Variants in MIS18A observed in about 807,000 individuals in gnomAD.
MIS18A encodes MIS18 kinetochore protein A, also known as protein Mis18-alpha.
MIS18A carries 14 observed loss-of-function variants against 25.0 expected under a neutral mutation model. The ratio of observed to expected loss-of-function variants is 0.56; its 90% CI spans 0.37 to 0.88. MIS18A has a LOEUF of 0.88. Among genes scored for constraint, MIS18A ranks in the 40% least tolerant of loss-of-function variants. MIS18A has a pLI of 0.00. For missense variants in MIS18A, 292 were observed against 290.8 expected (o/e 1.00, Z -0.03); for synonymous variants, 134 against 118.6 (o/e 1.13, Z -0.84).
At chr21:32,193,268 C>T in the MIS18A span, among the ~76,000 whole-genome samples, 1 of 152,046 alleles carries the variant, frequency 6.6e-6, no homozygotes, top group African/African-American at 2.4e-5. Context: ...GAGAAAAGGC[C>T]TCCCACATCC....
chr21:32,241,789 G>T, the MIS18A span, among the ~76,000 whole-genome samples: 3 of 152,172 alleles, frequency 2.0e-5, no homozygotes, highest in African/African-American at 7.2e-5. Flanking sequence ...CTGCCTTATC[G>T]AGCTATTTTC....
chr21:32,183,794 G>A, the MIS18A span, among the ~76,000 whole-genome samples: 1 of 152,176 alleles, frequency 6.6e-6, no homozygotes. Context: ...CTTTGCTGTT[G>A]TCCAAAACCC....
chr21:32,211,383 G>T, the MIS18A span, among the ~76,000 whole-genome samples: 1 of 152,200 alleles, frequency 6.6e-6, no homozygotes, highest in Admixed American at 6.5e-5. Flanking sequence ...GGGGAAACAT[G>T]TAACTGTTCC....
chr21:32,217,994 C>A, the MIS18A span, among the ~76,000 whole-genome samples: 4 of 151,604 alleles, frequency 2.6e-5, no homozygotes, highest in African/African-American at 4.8e-5. Flanking sequence ...GAGATCGATA[C>A]CATCCTGGCT....
chr21:32,271,616 T>C (rs532631060), intron 2 of MIS18A, among the ~76,000 whole-genome samples: 1 of 152,316 alleles, frequency 6.6e-6, no homozygotes, highest in African/African-American at 2.4e-5. Flanking sequence ...AGCTTCTATA[T>C]TTTAGTTTTA....
intron 1 of MIS18A, chr21:32,278,362 T>C (rs768113054): frequency 2.0e-5 from 7 of 348,662 alleles, no homozygotes; most frequent in Non-Finnish European, 3.6e-5. Flanking sequence ...TAGTTGACCA[T>C]TTGTTTCTCT....
At chr21:32,201,524 A>G in the MIS18A span, among the ~76,000 whole-genome samples, 1 of 152,194 alleles carries the variant, frequency 6.6e-6, no homozygotes, top group Non-Finnish European at 1.5e-5. Flanking sequence ...TCTACCCATC[A>G]AAAAGTTCCT....
intron 2 of MIS18A, among the ~76,000 whole-genome samples, chr21:32,271,697 G>C (rs2031717205): frequency 6.6e-6 from 1 of 152,084 alleles, no homozygotes; most frequent in Admixed American, 6.6e-5. Flanking sequence ...CCTCCACCTT[G>C]GCCTCCCAAA....
the MIS18A span, among the ~76,000 whole-genome samples, chr21:32,237,459 A>G: frequency 2.4e-4 from 36 of 152,360 alleles, 1 homozygote; most frequent in South Asian, 6.8e-3. Context: ...AATAGTACTA[A>G]TGGCTGCCTT....
chr21:32,270,906 T>C (rs766473040), intron 2 of MIS18A, among the ~76,000 whole-genome samples: 1 of 152,218 alleles, frequency 6.6e-6, no homozygotes, highest in Non-Finnish European at 1.5e-5. Context: ...CGGAAGCACC[T>C]ATAGACAATA....
chr21:32,274,463 C>T (rs1454681109), intron 2 of MIS18A, among the ~76,000 whole-genome samples: 2 of 152,020 alleles, frequency 1.3e-5, no homozygotes, highest in African/African-American at 4.8e-5. Context: ...ACCTTGGCCT[C>T]CGAAAGTGCT....
At chr21:32,215,510 G>A in the MIS18A span, among the ~76,000 whole-genome samples, 4,445 of 152,174 alleles carry the variant, frequency 0.029, 224 homozygotes, top group African/African-American at 0.1. Flanking sequence ...TCCATGTGCT[G>A]ATGTTCACTA....
the MIS18A span, among the ~76,000 whole-genome samples, chr21:32,252,203 G>GAGAAGAAGAAGAAGA: frequency 5.9e-5 from 7 of 119,296 alleles, no homozygotes; most frequent in African/African-American, 1.0e-4. Context: ...GGAAGAGGAG[G>GAGAAGAAGAAGAAGA]AGAAGAAGAA....
At chr21:32,224,768 G>GA in the MIS18A span, among the ~76,000 whole-genome samples, 2 of 141,224 alleles carry the variant, frequency 1.4e-5, no homozygotes, top group Non-Finnish European at 3.1e-5. Flanking sequence ...CACAGAATTG[G>GA]AAAAAACTAC....
the MIS18A span, among the ~76,000 whole-genome samples, chr21:32,157,233 T>C: frequency 1.6e-5 from 1 of 61,868 alleles, no homozygotes; most frequent in African/African-American, 8.6e-5. Flanking sequence ...ATTTTTTTTT[T>C]TTTTTTTGGT....
the MIS18A span, among the ~76,000 whole-genome samples, chr21:32,239,751 T>C: frequency 6.6e-6 from 1 of 152,224 alleles, no homozygotes; most frequent in Non-Finnish European, 1.5e-5. Flanking sequence ...CCCTTAGGTT[T>C]GGTATTTTCT....
chr21:32,235,963 GC>G, the MIS18A span, among the ~76,000 whole-genome samples: 1 of 152,110 alleles, frequency 6.6e-6, no homozygotes, highest in East Asian at 1.9e-4. Context: ...TGTCTCAAGA[GC>G]CCCCCTGCAA....
At chr21:32,249,132 T>C in the MIS18A span, among the ~76,000 whole-genome samples, 1 of 152,238 alleles carries the variant, frequency 6.6e-6, no homozygotes, top group African/African-American at 2.4e-5. Context: ...AGATGGTTGA[T>C]CTGGCCCTGC....
chr21:32,175,070 C>T, the MIS18A span, among the ~76,000 whole-genome samples: 1 of 152,142 alleles, frequency 6.6e-6, no homozygotes, highest in South Asian at 2.1e-4. Context: ...ATAGTATAAC[C>T]TACTACACAC....
Sources: gnomAD v4.1 joint callset for allele counts (sites outside exome capture counted in the v4.1 genomes callset) on GRCh38, gnomAD v4.1.1 for gene constraint, MANE v1.5 for transcripts, NCBI Gene and HGNC (gene_info 2026-07-23, HGNC 2026-07-21) for gene names.